Variants in BANP observed in about 807,000 individuals in gnomAD.
BANP encodes BTG3 associated nuclear protein, also known as protein BANP.
In BANP, 11 loss-of-function variants were observed where a neutral mutation model predicts 68.1. The ratio of observed to expected loss-of-function variants is 0.16; its 90% CI spans 0.10 to 0.27. The LOEUF (loss-of-function observed/expected upper bound fraction) is 0.27. Among genes scored for constraint, BANP ranks in the 10% least tolerant of loss-of-function variants. The pLI, the probability that BANP is intolerant of heterozygous loss-of-function variation, is 1.00. For synonymous variants in BANP, 329 were observed against 303.2 expected, an observed-to-expected ratio of 1.09 and a Z score of -0.88; for missense variants, 504 against 722.7, an observed-to-expected ratio of 0.70 and a Z score of 3.47.
chr16:88,049,837 A>G (rs577442328), intron 11 of BANP, among the ~76,000 whole-genome samples: 3 of 152,316 alleles, frequency 2.0e-5, no homozygotes, highest in African/African-American at 7.2e-5. Flanking sequence ...AACACCAGAC[A>G]TCTCTAATGC....
Position 88,076,790 on chromosome 16 carries a change from T to G in BANP, c.*129T>G. On this transcript the variant is annotated 3_prime_UTR_variant, in exon 14 of 14. Transcript: ENST00000682872. ...CTGCTGAAGTGCGTCTGAAGGCCGC[T>G]GCCTCCGCGGGGAACAGCATCCTAT... is the stretch of plus-strand genomic sequence containing the variant. 1.4e-6 allele frequency: 1 copy of G among 729,140 alleles called. No homozygotes were observed. Among genetic ancestry groups the G allele is most frequent in the Non-Finnish European group, 2.2e-6 (1 of 458,684 alleles). 45.2% of individuals were successfully genotyped at this position (729,140 alleles called of 1,614,324 possible).
At chr16:87,982,241 C>T (rs961998593) in intron 3 of BANP, among the ~76,000 whole-genome samples, 3 of 152,208 alleles carry the variant, frequency 2.0e-5, no homozygotes, top group Admixed American at 2.0e-4. Context: ...GTGGCCCTGC[C>T]TTCCTCCTTG....
chr16:88,046,017 C>T (rs2081940874), intron 11 of BANP, among the ~76,000 whole-genome samples: 1 of 152,236 alleles, frequency 6.6e-6, no homozygotes, highest in African/African-American at 2.4e-5. Flanking sequence ...GTCCACACTC[C>T]AGCACTCAGG....
At chr16:87,954,970 C>T (rs1211560173) in intron 1 of BANP, among the ~76,000 whole-genome samples, 2 of 152,268 alleles carry the variant, frequency 1.3e-5, no homozygotes. Context: ...ACAGCCGCCT[C>T]TGAATTGCAG....
At chr16:87,969,830 C>T (rs1413102182) in intron 1 of BANP, among the ~76,000 whole-genome samples, 1 of 151,900 alleles carries the variant, frequency 6.6e-6, no homozygotes, top group African/African-American at 2.4e-5. Flanking sequence ...CACGCCTGGC[C>T]TGACTATCTT....
rs2079750998 is a variant in BANP, at chr16:88,037,873, T to C, written c.1273-100T>C. 3 of 1,206,182 alleles carry C rather than the reference T, an allele frequency of 2.5e-6. No individual in the cohort carries two copies. In the East Asian group the frequency reaches 7.0e-5, roughly 28 times the overall value. The allele number at this position is 1,206,182 out of a possible 1,614,324, so 74.7% of individuals were successfully genotyped here. On this transcript the variant is annotated intron_variant, in intron 10 of 13. Coordinates refer to ENST00000682872, the MANE Select transcript of BANP (RefSeq NM_001386991.1). ...TTGCAGAACTGGGGTTTTCTTGTTA[T>C]TCTCAAGTGGCCTGTGATGTGTCTT...
chr16:88,044,558 T>C (rs967781364), intron 11 of BANP, among the ~76,000 whole-genome samples: 2 of 152,242 alleles, frequency 1.3e-5, no homozygotes, highest in African/African-American at 4.8e-5. Flanking sequence ...ACCCACACTT[T>C]GAAAAATACT....
chr16:88,070,792 C>A (rs1278197032), intron 12 of BANP, among the ~76,000 whole-genome samples: 1 of 152,164 alleles, frequency 6.6e-6, no homozygotes, highest in African/African-American at 2.4e-5. Flanking sequence ...CATTTAAAAG[C>A]CATTCTCAGT....
chr16:88,076,235 G>A (rs1370394382), intron 13 of BANP, among the ~76,000 whole-genome samples: 16 of 152,174 alleles, frequency 1.1e-4, no homozygotes, highest in Admixed American at 1.0e-3. Flanking sequence ...AAATATCTTC[G>A]GGAGGGCCAG....
intron 1 of BANP, among the ~76,000 whole-genome samples, chr16:87,961,078 C>T (rs996911589): frequency 2.0e-5 from 3 of 152,162 alleles, no homozygotes; most frequent in South Asian, 2.1e-4. Context: ...ATGGTCGATG[C>T]GGGATCACGC....
At chr16:87,976,505 T>C (rs1461370364) in intron 2 of BANP, among the ~76,000 whole-genome samples, 1 of 80,948 alleles carries the variant, frequency 1.2e-5, no homozygotes, top group Non-Finnish European at 2.5e-5. Flanking sequence ...TAAAGTAGTA[T>C]ATGTTTTATT....
At chr16:87,968,965 C>G (rs1424409247) in intron 1 of BANP, among the ~76,000 whole-genome samples, 1 of 152,112 alleles carries the variant, frequency 6.6e-6, no homozygotes, top group Non-Finnish European at 1.5e-5. Flanking sequence ...CCTTTTCACC[C>G]ATGCCCCAGG....
intron 4 of BANP, among the ~76,000 whole-genome samples, chr16:87,988,295 G>T (rs1438277551): frequency 6.6e-6 from 1 of 151,808 alleles, no homozygotes; most frequent in African/African-American, 2.4e-5. Context: ...ATGGAGTCTC[G>T]CTCTGTTGCC....
At chr16:87,983,958 T>A in intron 3 of BANP, 102 bp from the exon 4 acceptor site, 1 of 1,422,790 alleles carries the variant, frequency 7.0e-7, no homozygotes, top group African/African-American at 1.4e-5. Context: ...TCTGTCTGAA[T>A]AGATAGAGTT....
At chr16:88,012,069 G>C (rs988341723) in intron 6 of BANP, among the ~76,000 whole-genome samples, 5 of 152,312 alleles carry the variant, frequency 3.3e-5, no homozygotes, top group Admixed American at 2.6e-4. Flanking sequence ...ATAATTATGA[G>C]GAGCCCAACA....
chr16:88,075,751 T>C (rs1320611056), intron 13 of BANP, among the ~76,000 whole-genome samples: 1 of 148,496 alleles, frequency 6.7e-6, no homozygotes, highest in Non-Finnish European at 1.5e-5. Flanking sequence ...CTTTACTTTT[T>C]TTTTTTTTTT....
chr16:88,045,321 G>T (rs1465132211), intron 11 of BANP, among the ~76,000 whole-genome samples: 1 of 152,248 alleles, frequency 6.6e-6, no homozygotes, highest in East Asian at 1.9e-4. Context: ...TGCCGCAGCT[G>T]TCCATGCCCC....
chr16:87,984,006 G>C, intron 3 of BANP, 54 bp from the exon 4 acceptor site: 4 of 1,572,854 alleles, frequency 2.5e-6, no homozygotes, highest in Non-Finnish European at 3.5e-6. Context: ...TCTTGGGGTT[G>C]TCTTCTTACA....
intron 4 of BANP, among the ~76,000 whole-genome samples, chr16:87,985,061 C>T (rs181869279): frequency 2.1e-3 from 324 of 152,286 alleles, no homozygotes; most frequent in Middle Eastern, 3.4e-3. Flanking sequence ...ATGTGGACGC[C>T]GAGGAATGGG....
Sources: gnomAD v4.1 joint callset for allele counts (sites outside exome capture counted in the v4.1 genomes callset) on GRCh38, gnomAD v4.1.1 for gene constraint, MANE v1.5 for transcripts, NCBI Gene and HGNC (gene_info 2026-07-23, HGNC 2026-07-21) for gene names.